Variants in RAPSN observed in about 807,000 individuals in gnomAD.
The protein encoded by RAPSN is 43 kDa receptor-associated protein of the synapse.
Under a neutral mutation model 45.7 loss-of-function variants are expected in RAPSN, and 33 were observed. The observed-to-expected ratio is 0.72, with a 90% CI of 0.55 to 0.97. The LOEUF is 0.97. Ranked by LOEUF, RAPSN falls within the 50% of genes least tolerant of loss-of-function variation. RAPSN has a pLI of 0.00. For missense variants in RAPSN, 519 were observed against 559.4 expected, an observed-to-expected ratio of 0.93 and a Z score of 0.73; for synonymous variants, 244 against 233.6, an observed-to-expected ratio of 1.04 and a Z score of -0.40.
At chr11:47,448,621 C>T (rs2076429627) in intron 1 of RAPSN, 152 bp downstream of exon 1, 1 of 963,094 alleles carries the variant, frequency 1.0e-6, no homozygotes, top group Non-Finnish European at 1.5e-6. Context: ...ATCTAAGACC[C>T]AGGGCCTTAG....
intron 2 of RAPSN, among the ~76,000 whole-genome samples, chr11:47,443,702 A>T (rs1367304641): frequency 6.6e-6 from 1 of 152,022 alleles, no homozygotes; most frequent in Admixed American, 6.6e-5. Context: ...GGAGGCCAAG[A>T]CAGGAGGAAC....
rs1421354085 is a variant in RAPSN, at chr11:47,447,811, C to A, written c.531+1G>T. On this transcript the variant is annotated splice_donor_variant, in intron 2 of 7. Transcript: ENST00000298854. LOFTEE classifies it high-confidence loss of function. ...GCTGTCCCCCTGGGGTGCAGGCCCA[C>A]CTTGACCTGGGCATAGAAGCTGCCC... 3.1e-6 allele frequency: 5 copies of A among 1,610,300 alleles called. No individual in the cohort carries two copies. The Admixed American group carries it at 5.0e-5, about 16-fold the overall frequency.
chr11:47,448,743 C>T (rs996327363), intron 1 of RAPSN, 30 bp downstream of exon 1: 2 of 1,603,224 alleles, frequency 1.2e-6, no homozygotes, highest in South Asian at 1.1e-5. Context: ...CAGCCTGACC[C>T]TCGAACGCCC....
At chr11:47,445,281 A>C (rs565346989) in intron 2 of RAPSN, among the ~76,000 whole-genome samples, 65 of 151,526 alleles carry the variant, frequency 4.3e-4, no homozygotes, top group African/African-American at 1.5e-3. Context: ...AAAAGTACTC[A>C]GTTTACCCAT....
At chr11:47,444,297 G>T (rs903757403) in intron 2 of RAPSN, among the ~76,000 whole-genome samples, 1 of 152,128 alleles carries the variant, frequency 6.6e-6, no homozygotes, top group African/African-American at 2.4e-5. Context: ...CAGCACTCGG[G>T]GAAGCTGAGT....
intron 2 of RAPSN, among the ~76,000 whole-genome samples, chr11:47,445,468 T>C (rs1249268116): frequency 6.8e-6 from 1 of 146,384 alleles, no homozygotes. Flanking sequence ...TAGTGGCGTG[T>C]GCCGGTAGTC....
chr11:47,445,357 G>T (rs1271583301), intron 2 of RAPSN, among the ~76,000 whole-genome samples: 1 of 151,870 alleles, frequency 6.6e-6, no homozygotes, highest in African/African-American at 2.4e-5. Flanking sequence ...AGCACTTTGG[G>T]AGGCTGAAGC....
At chr11:47,446,703 A>G (rs1482956825) in intron 2 of RAPSN, among the ~76,000 whole-genome samples, 3 of 152,118 alleles carry the variant, frequency 2.0e-5, no homozygotes, top group Non-Finnish European at 2.9e-5. Context: ...TCAGGAGTTC[A>G]AGACCAGCCT....
chr11:47,446,676 C>G (rs779607107), intron 2 of RAPSN, among the ~76,000 whole-genome samples: 1 of 152,118 alleles, frequency 6.6e-6, no homozygotes, highest in Non-Finnish European at 1.5e-5. Flanking sequence ...GAGGCCAAGA[C>G]GGGCGGATCC....
chr11:47,446,239 CTGTT>C (rs1244845825), intron 2 of RAPSN, among the ~76,000 whole-genome samples: 3 of 150,598 alleles, frequency 2.0e-5, no homozygotes, highest in South Asian at 2.1e-4. Context: ...AAAAAAAAAA[CTGTT>C]TGTAGACGCT....
In RAPSN at chr11:47,445,337, C is replaced by T. The variant is rs1022703315; in HGVS notation, c.531+2475G>A. ...CAAGGCTGGGCACAGTGGCTCACACCGGTAATCCCAGCACTTTGGGAGGCT... is the reference window on the plus strand; with the variant it reads ...CAAGGCTGGGCACAGTGGCTCACACTGGTAATCCCAGCACTTTGGGAGGCT... On this transcript the variant is annotated intron_variant, in intron 2 of 7. Transcript: ENST00000298854. 2.6e-5 allele frequency among the ~76,000 whole-genome samples: 4 copies of T among 151,810 alleles called. No individual in the cohort carries two copies. In the South Asian group the frequency reaches 6.2e-4, roughly 24 times the overall value.
chr11:47,441,723 G>T lies in RAPSN; in HGVS notation c.800C>A (p.Pro267His). ...RSRGDLETAF[P>H]RYDSAMSIMT... ...GATGCTCATGGCGGAGTCGTACCTG[G>T]GGAAGGCTGTCTGCAGAGCCAGGTG... The change falls in exon 5 of 8, where the codon CCC becomes CAC. Residue 267 changes from proline to histidine, a missense_variant. Physicochemically the swap from Pro to His is moderately conservative, Grantham distance 77 (BLOSUM62 -2). Coordinates refer to ENST00000298854, the MANE Select transcript of RAPSN (RefSeq NM_005055.5). 2 of 1,607,442 alleles carry T rather than the reference G, an allele frequency of 1.2e-6. No individual in the cohort carries two copies.
At chr11:47,442,549 G>A in intron 3 of RAPSN, 107 bp downstream of exon 3, 8 of 1,315,756 alleles carry the variant, frequency 6.1e-6, no homozygotes, top group Non-Finnish European at 8.4e-6. Flanking sequence ...CAAGCCCTAG[G>A]GGGCTTCCAT....
At chr11:47,447,673 G>A (rs1307259238) in intron 2 of RAPSN, 139 bp downstream of exon 2, 1 of 1,035,086 alleles carries the variant, frequency 9.7e-7, no homozygotes, top group Admixed American at 2.3e-5. Context: ...TCCTGGATAA[G>A]CCTTTTTGCT....
intron 2 of RAPSN, among the ~76,000 whole-genome samples, chr11:47,444,857 CAAA>C (rs10611957): frequency 6.2e-4 from 50 of 80,704 alleles, no homozygotes; most frequent in East Asian, 1.7e-3. Context: ...GACACTGTCT[CAAA>C]AAAAAAAAAA....
intron 2 of RAPSN, among the ~76,000 whole-genome samples, chr11:47,444,168 C>T (rs577774312): frequency 6.6e-6 from 1 of 151,982 alleles, no homozygotes; most frequent in South Asian, 2.1e-4. Flanking sequence ...CCTAATATGC[C>T]TTATTACATA....
intron 2 of RAPSN, among the ~76,000 whole-genome samples, chr11:47,444,611 C>A (rs1230204717): frequency 2.6e-5 from 4 of 151,658 alleles, no homozygotes; most frequent in Admixed American, 1.3e-4. Context: ...GTAATCCCAG[C>A]ACTTTGGGAG....
At chr11:47,438,516 T>C in intron 7 of RAPSN, 1 of 596,860 alleles carries the variant, frequency 1.7e-6, no homozygotes, top group South Asian at 2.2e-5. Flanking sequence ...AGAGACGGGG[T>C]TTCACCATGT....
chr11:47,438,706 C>T, intron 7 of RAPSN, 26 bp downstream of exon 7: 1 of 1,552,958 alleles, frequency 6.4e-7, no homozygotes, highest in African/African-American at 1.4e-5. Context: ...CTGCCCACCC[C>T]TGTCCACCCC....
Sources: allele counts gnomAD v4.1 joint callset (sites outside exome capture counted in the v4.1 genomes callset), GRCh38; gene constraint gnomAD v4.1.1; transcripts MANE v1.5; gene names NCBI Gene and HGNC (gene_info 2026-07-23, HGNC 2026-07-21).